MYO1E: variants seen among roughly 807,000 people sequenced by gnomAD.
The protein encoded by MYO1E is myosin IE.
Under a neutral mutation model 151.1 loss-of-function variants are expected in MYO1E, and 68 were observed. The observed-to-expected ratio is 0.45, with a 90% confidence interval of 0.37 to 0.55. The LOEUF is 0.55. Among genes scored for constraint, MYO1E ranks in the 20% least tolerant of loss-of-function variants. The probability of loss-of-function intolerance (pLI) is 0.00; values close to 1 mark genes in which losing one functional copy is unlikely to be tolerated. For synonymous variants in MYO1E, 601 were observed against 501.7 expected (o/e 1.20, Z -2.64); for missense variants, 1,363 against 1,389.3 (o/e 0.98, Z 0.30).
chr15:59,156,610 T>C (rs2079511080), intron 25 of MYO1E, among the ~76,000 whole-genome samples: 1 of 152,234 alleles, frequency 6.6e-6, no homozygotes, highest in Non-Finnish European at 1.5e-5. Context: ...ATTACAGGCG[T>C]AAGCCACCAT....
At chr15:59,144,318 C>T (rs2079428224) in intron 26 of MYO1E, among the ~76,000 whole-genome samples, 2 of 152,052 alleles carry the variant, frequency 1.3e-5, no homozygotes, top group African/African-American at 2.4e-5. Flanking sequence ...AGGCGCCCAC[C>T]ACCACACCCA....
intron 1 of MYO1E, among the ~76,000 whole-genome samples, chr15:59,296,329 C>T (rs1050540115): frequency 1.2e-4 from 18 of 152,216 alleles, no homozygotes; most frequent in African/African-American, 4.3e-4. Context: ...ACAGGCTGTC[C>T]CTTCACTGGG....
intron 26 of MYO1E, among the ~76,000 whole-genome samples, chr15:59,149,458 C>T (rs1240019894): frequency 4.3e-5 from 6 of 139,656 alleles, no homozygotes; most frequent in African/African-American, 1.3e-4. Context: ...CTATGCTAAT[C>T]GATGGCAAGA....
chr15:59,212,097 C>T (rs2079882677), intron 12 of MYO1E, among the ~76,000 whole-genome samples: 1 of 152,068 alleles, frequency 6.6e-6, no homozygotes, highest in Non-Finnish European at 1.5e-5. Flanking sequence ...ACAATCTAGC[C>T]CCTGCCTCCC....
intron 1 of MYO1E, among the ~76,000 whole-genome samples, chr15:59,324,585 A>G (rs1280778502): frequency 1.3e-5 from 2 of 152,122 alleles, no homozygotes; most frequent in Non-Finnish European, 2.9e-5. Flanking sequence ...GAGCTCCTCA[A>G]GTTCAAGGTG....
At chr15:59,356,902 TG>T (rs2080856440) in intron 1 of MYO1E, among the ~76,000 whole-genome samples, 2 of 62,978 alleles carry the variant, frequency 3.2e-5, no homozygotes, top group African/African-American at 4.7e-5. Context: ...TTTGTTTGTT[TG>T]TTTTTGGTTT....
chr15:59,252,440 T>A (rs1596385747), intron 4 of MYO1E, among the ~76,000 whole-genome samples: 2 of 151,996 alleles, frequency 1.3e-5, no homozygotes, highest in Admixed American at 1.3e-4. Context: ...AGAGGCTGGG[T>A]GCAGTGGCTC....
In MYO1E at chr15:59,227,452, G is replaced by A. The variant is rs770758624; in HGVS notation, c.642+7C>T. 3 of 1,614,008 alleles carry A rather than the reference G, an allele frequency of 1.9e-6. No homozygotes were observed. Among genetic ancestry groups the A allele is most frequent in the South Asian group, 2.2e-5 (2 of 91,068 alleles). On this transcript the variant is annotated splice_region_variant and intron_variant, in intron 7 of 27. Coordinates refer to ENST00000288235, the MANE Select transcript of MYO1E (RefSeq NM_004998.4). ...GAAGTGGGTAGGAAAAAAGTAAACA[G>A]GAAAACCTGGTAAAATATGTGAAAA... is the stretch of plus-strand genomic sequence containing the variant.
At chr15:59,365,475 T>C (rs1287640415) in intron 1 of MYO1E, among the ~76,000 whole-genome samples, 1 of 152,138 alleles carries the variant, frequency 6.6e-6, no homozygotes, top group African/African-American at 2.4e-5. Flanking sequence ...CTTATTAGAC[T>C]GGGATCTAAT....
intron 4 of MYO1E, among the ~76,000 whole-genome samples, chr15:59,243,669 T>G (rs936034832): frequency 6.6e-6 from 1 of 152,106 alleles, no homozygotes; most frequent in Non-Finnish European, 1.5e-5. Context: ...ACAGCACAGT[T>G]CATAGTATCA....
intron 1 of MYO1E, among the ~76,000 whole-genome samples, chr15:59,347,193 G>C (rs1308372403): frequency 6.6e-6 from 1 of 151,976 alleles, no homozygotes; most frequent in African/African-American, 2.4e-5. Flanking sequence ...TCCGCCTCCT[G>C]TAAGATCAAA....
intron 1 of MYO1E, among the ~76,000 whole-genome samples, chr15:59,355,934 G>T (rs2080850198): frequency 6.6e-6 from 1 of 152,136 alleles, no homozygotes; most frequent in Non-Finnish European, 1.5e-5. Flanking sequence ...GCCCAGGCTG[G>T]TTTCGAATGC....
rs770440406 is a variant in MYO1E, at chr15:59,136,663, C to T, written c.*717G>A. ...TAAATGTACAGCTTGAAAAAAGATC[C>T]TTCTTGTAGTAAGTACAGCATTTAA... On this transcript the variant is annotated 3_prime_UTR_variant, in exon 28 of 28. Transcript: ENST00000288235. The T allele has an allele frequency of 1.8e-5, 8 of 455,992 alleles. No homozygotes were observed. The highest frequency in any genetic ancestry group is 2.4e-5 in the Admixed American group (1 of 42,486). The allele number at this position is 455,992 out of a possible 1,614,324, so 28.2% of individuals were successfully genotyped here. A position where few individuals can be genotyped will look rare whatever the true frequency, so the allele number is the denominator to read the frequency against.
intron 17 of MYO1E, among the ~76,000 whole-genome samples, chr15:59,189,554 G>C (rs1201370599): frequency 6.6e-6 from 1 of 151,822 alleles, no homozygotes; most frequent in African/African-American, 2.4e-5. Context: ...ATCCAGGCTG[G>C]AGTGCAGTGG....
intron 23 of MYO1E, among the ~76,000 whole-genome samples, chr15:59,162,947 C>T (rs2079546042): frequency 6.6e-6 from 1 of 152,148 alleles, no homozygotes; most frequent in South Asian, 2.1e-4. Flanking sequence ...TCTATGAAGT[C>T]ATTATTTCAC....
chr15:59,207,200 G>A, intron 14 of MYO1E: 1 of 1,614,220 alleles, frequency 6.2e-7, no homozygotes, highest in African/African-American at 1.3e-5. Flanking sequence ...TGCGCTATCA[G>A]CATCTTATTA....
At chr15:59,203,318 T>C (rs1202888332) in intron 15 of MYO1E, among the ~76,000 whole-genome samples, 10 of 151,706 alleles carry the variant, frequency 6.6e-5, no homozygotes, top group South Asian at 6.2e-4. Context: ...CAAACTGCTT[T>C]TGAGTATGAG....
chr15:59,188,028 C>G (rs1596357374), intron 18 of MYO1E, 90 bp downstream of exon 18: 1 of 968,292 alleles, frequency 1.0e-6, no homozygotes, highest in Admixed American at 1.7e-5. Context: ...AAGCCATTGA[C>G]TCGTACGCTT....
At chr15:59,323,699 G>A (rs116573724) in intron 1 of MYO1E, among the ~76,000 whole-genome samples, 3,554 of 152,060 alleles carry the variant, frequency 0.023, 87 homozygotes, top group African/African-American at 0.057. Flanking sequence ...GAGAACGGCT[G>A]TGTGCATTTG....
Sources: allele counts gnomAD v4.1 joint callset (sites outside exome capture counted in the v4.1 genomes callset), GRCh38; gene constraint gnomAD v4.1.1; transcripts MANE v1.5; gene names NCBI Gene and HGNC (gene_info 2026-07-23, HGNC 2026-07-21).